Variants in ADGRF3 observed in about 807,000 individuals in gnomAD.
ADGRF3 encodes G protein-coupled receptor 113.
A neutral mutation model predicts 93.2 loss-of-function variants in ADGRF3; 85 were observed. The ratio of observed to expected loss-of-function variants is 0.91; its 90% CI spans 0.77 to 1.09. The LOEUF (loss-of-function observed/expected upper bound fraction) is 1.09. Among genes scored for constraint, ADGRF3 ranks in the 50% least tolerant of loss-of-function variants. ADGRF3 has a pLI of 0.00. For synonymous variants in ADGRF3, 534 were observed against 532.5 expected, an observed-to-expected ratio of 1.00 and a Z score of -0.04; for missense variants, 1,125 against 1,246.2, an observed-to-expected ratio of 0.90 and a Z score of 1.46.
At chr2:26,328,684 C>A (rs1181434161) in intron 1 of ADGRF3, among the ~76,000 whole-genome samples, 2 of 152,192 alleles carry the variant, frequency 1.3e-5, no homozygotes, top group Admixed American at 6.5e-5. Flanking sequence ...GATTTCCTGA[C>A]CTCGTGATCC....
At chr2:26,314,823 A>T in intron 5 of ADGRF3, 200 bp from the exon 6 acceptor site, 2 of 591,566 alleles carry the variant, frequency 3.4e-6, no homozygotes, top group South Asian at 4.0e-5. Context: ...GGTAGAAGAG[A>T]TCTCTCTTTT....
intron 10 of ADGRF3, 61 bp downstream of exon 10, chr2:26,310,631 A>T: frequency 6.6e-7 from 1 of 1,508,268 alleles, no homozygotes; most frequent in South Asian, 1.2e-5. Context: ...TAGAGAAGAG[A>T]TCGGCAGTGA....
At chr2:26,345,796 A>T in intron 1 of ADGRF3, 1 of 373,382 alleles carries the variant, frequency 2.7e-6, no homozygotes, top group Non-Finnish European at 5.0e-6. Flanking sequence ...GCAAGTGCGG[A>T]TACCACAGAA....
chr2:26,311,377 G>T lies in ADGRF3; in HGVS notation c.2147C>A (p.Ala716Glu), dbSNP rs145121244. ...GTACACACCCAGGCACACAAGCAGC[G>T]CCAGTATGGAAGCTCCCAAGCCCAC... ...TQVGLGASILALLVCLGVYWL... is the reference protein window; with the variant it reads ...TQVGLGASILELLVCLGVYWL... The change falls in exon 10 of 14, where the codon GCG becomes GAG. Residue 716 changes from alanine to glutamate, a missense_variant. Ala to Glu is a moderately radical substitution (Grantham distance 107). Coordinates refer to ENST00000651242, the MANE Select transcript of ADGRF3 (RefSeq NM_001321971.2). 1.2e-6 allele frequency: 2 copies of T among 1,613,870 alleles called. No homozygotes were observed. The highest frequency in any genetic ancestry group is 1.7e-5 in the Admixed American group (1 of 60,004).
rs1256277092 is a variant in ADGRF3, at chr2:26,315,648, T to A, written c.592A>T (p.Ser198Cys). The A allele has an allele frequency of 1.4e-5, 22 of 1,551,486 alleles. No individual in the cohort carries two copies. The highest frequency in any genetic ancestry group is 3.4e-4 in the Middle Eastern group (2 of 5,954). The change falls in exon 5 of 14, where the codon AGC becomes TGC. Residue 198 changes from serine (S) to cysteine (C), a missense_variant. Ser to Cys is a moderately radical substitution (Grantham distance 112). Transcript: ENST00000651242. ...CTCCCTGGGTGCCTCAGGAACCAGC[T>A]CAGGTTGGTGGCCTCCTGGCTCAGA... ...LHLSQEATNLSWFLRHPGSPS... is the reference protein window; with the variant it reads ...LHLSQEATNLCWFLRHPGSPS...
At chr2:26,335,529 T>C (rs1178446753) in intron 1 of ADGRF3, among the ~76,000 whole-genome samples, 1 of 152,174 alleles carries the variant, frequency 6.6e-6, no homozygotes, top group African/African-American at 2.4e-5. Flanking sequence ...CAGGTAACTA[T>C]ATGTTTAACT....
rs1676774336 is a variant in ADGRF3, at chr2:26,346,593, C to G, written c.-359G>C. ...TAAACTTATTATTTTCGTAAGCCCC[C>G]GAAAGGATGGAGTTCCTTCTGTTGT... is the stretch of plus-strand genomic sequence containing the variant. On this transcript the variant is annotated 5_prime_UTR_variant, in exon 1 of 14. Coordinates refer to ENST00000651242, the MANE Select transcript of ADGRF3 (RefSeq NM_001321971.2). 4.1e-6 allele frequency: 1 copy of G among 245,484 alleles called. No homozygotes were observed. The highest frequency in any genetic ancestry group is 2.3e-5 in the African/African-American group (1 of 43,858). The allele number at this position is 245,484 out of a possible 1,614,324, so 15.2% of individuals were successfully genotyped here.
At chr2:26,345,056 G>C (rs1244322095) in intron 1 of ADGRF3, among the ~76,000 whole-genome samples, 1 of 152,072 alleles carries the variant, frequency 6.6e-6, no homozygotes, top group African/African-American at 2.4e-5. Flanking sequence ...CTGAAGTAGT[G>C]GTTTCCCATA....
intron 1 of ADGRF3, among the ~76,000 whole-genome samples, chr2:26,332,917 C>G (rs1379196724): frequency 6.6e-6 from 1 of 152,054 alleles, no homozygotes; most frequent in Non-Finnish European, 1.5e-5. Flanking sequence ...ATGGCTAACC[C>G]TCAAATCTCA....
chr2:26,309,693 A>C, intron 12 of ADGRF3, 112 bp from the exon 13 acceptor site: 1 of 1,433,944 alleles, frequency 7.0e-7, no homozygotes, highest in African/African-American at 1.4e-5. Flanking sequence ...CCTGTGCTGC[A>C]GGAATCCTAG....
At chr2:26,313,994 C>A (rs1674433011) in intron 6 of ADGRF3, 91 bp from the exon 7 acceptor site, 14 of 1,497,742 alleles carry the variant, frequency 9.3e-6, no homozygotes, top group Middle Eastern at 3.5e-4. Flanking sequence ...GTCTTTCTAG[C>A]AATTCAGAAA....
At chr2:26,309,197 A>G (rs1431908698) in intron 13 of ADGRF3, 90 bp from the exon 14 acceptor site, 1 of 1,613,770 alleles carries the variant, frequency 6.2e-7, no homozygotes, top group African/African-American at 1.3e-5. Flanking sequence ...ACCCATGGCA[A>G]TCCCTTCAAG....
rs1199852971 is a variant in ADGRF3, at chr2:26,311,584, C to G, written c.1940G>C (p.Cys647Ser). ...GAAGAGACTGTGATCCCAGAAGACA[C>G]AGTGAGGGGAACCATCTGTGTTCCC... Reference protein sequence around the residue: ...DFGNTDGSPHCVFWDHSLFQG... With the variant: ...DFGNTDGSPHSVFWDHSLFQG... The change falls in exon 10 of 14, where the codon TGT (cysteine) becomes TCT (serine). Residue 647 changes from cysteine to serine, a missense_variant. Coordinates refer to ENST00000651242, the MANE Select transcript of ADGRF3 (RefSeq NM_001321971.2). 2 of 1,613,908 alleles carry G rather than the reference C, an allele frequency of 1.2e-6. No individual in the cohort carries two copies. Among genetic ancestry groups the G allele is most frequent in the East Asian group, 2.2e-5 (1 of 44,862 alleles).
chr2:26,318,903 A>C, intron 1 of ADGRF3: 2 of 1,551,020 alleles, frequency 1.3e-6, no homozygotes, highest in South Asian at 1.2e-5. Flanking sequence ...TGTCTCTCCC[A>C]ATCAGGGGTC....
chr2:26,316,173 C>T, intron 4 of ADGRF3, 102 bp downstream of exon 4: 1 of 1,256,924 alleles, frequency 8.0e-7, no homozygotes, highest in Non-Finnish European at 1.1e-6. Context: ...AGCAGCTGTG[C>T]TTGGACCAGC....
intron 1 of ADGRF3, chr2:26,319,170 G>T (rs1451674753): frequency 9.5e-6 from 10 of 1,051,016 alleles, no homozygotes; most frequent in South Asian, 6.6e-5. Context: ...AATTTACAGA[G>T]GAAGCGCTAC....
At chr2:26,345,763 A>G in intron 1 of ADGRF3, 1 of 265,006 alleles carries the variant, frequency 3.8e-6, no homozygotes, top group Non-Finnish European at 7.3e-6. Flanking sequence ...CCAAGACTAA[A>G]ACGGTATACC....
At position 26,310,208 on chromosome 2, in the gene ADGRF3, G is replaced by T. The variant is rs1291943586; in HGVS notation, c.2862C>A (p.Leu954=). 2.5e-6 allele frequency: 4 copies of T among 1,613,924 alleles called. No homozygotes were observed. Among genetic ancestry groups the T allele is most frequent in the Non-Finnish European group, 3.4e-6 (4 of 1,179,912 alleles). The change falls in exon 11 of 14, where the codon CTC becomes CTA. Residue 954 remains leucine (L), a synonymous_variant. Coordinates refer to ENST00000651242, the MANE Select transcript of ADGRF3 (RefSeq NM_001321971.2). ...QGVFILLFGC[L]MDRKIQEALR... is the part of the protein sequence containing the mutation. ...TGGGCAGACTTACCTTCCTGTCCAT[G>T]AGGCAACCAAACAATAGGATGAAGA...
Position 26,311,710 on chromosome 2 carries a change from C to T in ADGRF3, c.1814G>A (p.Gly605Glu). 2 of 1,613,480 alleles carry T rather than the reference C, an allele frequency of 1.2e-6. No individual in the cohort carries two copies. Among genetic ancestry groups the T allele is most frequent in the Non-Finnish European group, 1.7e-6 (2 of 1,179,734 alleles). The change falls in exon 10 of 14, where the codon GGG becomes GAG. Residue 605 changes from glycine (G) to glutamate (E), a missense_variant. Transcript: ENST00000651242. ...DHLLPSNYGQ[G>E]LGDSLYATPG... is the part of the protein sequence containing the mutation. ...AGTGGCATAGAGGGAATCCCCCAGCCCTTGTCCATAGTTTGAGGGCAGAAG... is the reference window on the plus strand; with the variant it reads ...AGTGGCATAGAGGGAATCCCCCAGCTCTTGTCCATAGTTTGAGGGCAGAAG...
Sources: gnomAD v4.1 joint callset for allele counts (sites outside exome capture counted in the v4.1 genomes callset) on GRCh38, gnomAD v4.1.1 for gene constraint, MANE v1.5 for transcripts, NCBI Gene and HGNC (gene_info 2026-07-23, HGNC 2026-07-21) for gene names.